Variants in SOD2 observed in about 807,000 individuals in gnomAD.
SOD2 encodes superoxide dismutase [Mn], mitochondrial.
A neutral mutation model predicts 27.0 loss-of-function variants in SOD2; 11 were observed. The ratio of observed to expected loss-of-function variants is 0.41; its 90% confidence interval spans 0.26 to 0.67. The LOEUF (loss-of-function observed/expected upper bound fraction) is 0.67. SOD2 is among the 30% of genes least tolerant of loss of function. SOD2 has a pLI of 0.34. For missense variants in SOD2, 250 were observed against 274.5 expected, an observed-to-expected ratio of 0.91 and a Z score of 0.63; for synonymous variants, 105 against 103.0, an observed-to-expected ratio of 1.02 and a Z score of -0.12.
upstream of SOD2, chr6:159,748,502 C>A: frequency 6.8e-7 from 1 of 1,474,378 alleles, no homozygotes; most frequent in Non-Finnish European, 9.0e-7. The surrounding 1 kb of genome is among the most constrained non-coding windows in gnomAD (Gnocchi z 5.6). Flanking sequence ...CACATTCTTA[C>A]ACTGTCCAGC....
intron 3 of SOD2, among the ~76,000 whole-genome samples, chr6:159,685,673 CG>C (rs1775543181): frequency 2.4e-5 from 1 of 41,298 alleles, no homozygotes; most frequent in South Asian, 8.4e-4. Context: ...TTTCACCCCC[CG>C]TCCCCTTCTT....
chr6:159,702,663 AAAAAAAAAAAAAAAAAG>A (rs1410082194), intron 1 of SOD2, among the ~76,000 whole-genome samples: 1 of 139,492 alleles, frequency 7.2e-6, no homozygotes, highest in African/African-American at 3.1e-5. Flanking sequence ...CCAAAAAAAA[AAAAAAAAAAAAAAAAAG>A]AAAGAAAGAA....
intron 1 of SOD2, among the ~76,000 whole-genome samples, chr6:159,758,961 T>C (rs1780068798): frequency 6.6e-6 from 1 of 152,194 alleles, no homozygotes; most frequent in Admixed American, 6.5e-5. Context: ...TGGCTCCTCA[T>C]GAGTAAGCAC....
chr6:159,743,079 G>C (rs554760101), intron 1 of SOD2, among the ~76,000 whole-genome samples: 70 of 152,188 alleles, frequency 4.6e-4, no homozygotes, highest in African/African-American at 1.7e-3. Flanking sequence ...ACAGGGTCTC[G>C]CACTGTTGCC....
chr6:159,710,952 A>G (rs1269491078), intron 1 of SOD2, among the ~76,000 whole-genome samples: 125 of 109,472 alleles, frequency 1.1e-3, no homozygotes, highest in East Asian at 1.7e-3. Flanking sequence ...CACCACTCAC[A>G]CTGCTCTGAC....
intron 1 of SOD2, among the ~76,000 whole-genome samples, chr6:159,733,368 G>A (rs1413883848): frequency 6.6e-6 from 1 of 152,136 alleles, no homozygotes; most frequent in Non-Finnish European, 1.5e-5. Context: ...TGTAATGCCA[G>A]CACTTTGGGA....
rs747375621 is a variant in SOD2, at chr6:159,755,270, C to T, written c.-336+5767G>A. 55 of 1,614,026 alleles carry T rather than the reference C, an allele frequency of 3.4e-5. No individual in the cohort carries two copies. The highest frequency in any genetic ancestry group is 6.7e-5 in the East Asian group (3 of 44,900). ...CGGACCAAGTAATGGTAGCTCCTCC[C>T]GCCAGAGGACGTCTGGGTCTGGATT... On this transcript the variant is annotated intron_variant, in intron 1 of 7. Coordinates refer to the SOD2 transcript ENST00000546087.
At position 159,675,810 on chromosome 6, in the gene SOD2, C is replaced by T. The variant is rs952035058; in HGVS notation, c.*6683G>A. ...AGAAACTACCATCAGAGTGAACAGG[C>T]AACCTACAAAATGGGAGAAAATTTT... On this transcript the variant is annotated 3_prime_UTR_variant, in exon 5 of 5. Coordinates refer to ENST00000538183, the MANE Select transcript of SOD2 (RefSeq NM_000636.4). The T allele has an allele frequency of 2.6e-5, 4 of 152,140 alleles. No individual in the cohort carries two copies. Among genetic ancestry groups the T allele is most frequent in the African/African-American group, 2.4e-5 (1 of 41,426 alleles). 9.4% of individuals were successfully genotyped at this position (152,140 alleles called of 1,614,324 possible).
intron 1 of SOD2, among the ~76,000 whole-genome samples, chr6:159,741,244 G>A (rs773003706): frequency 2.3e-4 from 35 of 152,266 alleles, no homozygotes; most frequent in Non-Finnish European, 4.0e-4. Context: ...GTATAATGAA[G>A]AACAACGGTC....
At chr6:159,721,021 A>G (rs1562442657) in intron 1 of SOD2, among the ~76,000 whole-genome samples, 3 of 136,764 alleles carry the variant, frequency 2.2e-5, no homozygotes, top group African/African-American at 8.0e-5. Context: ...GCACCCGACT[A>G]TTTTTTTTTT....
At chr6:159,718,658 T>A (rs1006848440) in intron 1 of SOD2, among the ~76,000 whole-genome samples, 1 of 152,206 alleles carries the variant, frequency 6.6e-6, no homozygotes, top group Non-Finnish European at 1.5e-5. Flanking sequence ...TAAGTCAGTA[T>A]AAAATCCACT....
At chr6:159,720,700 C>T (rs895690405) in intron 1 of SOD2, among the ~76,000 whole-genome samples, 3 of 152,050 alleles carry the variant, frequency 2.0e-5, no homozygotes, top group Admixed American at 6.6e-5. Context: ...ATTATCTTTG[C>T]TAGTACTATC....
chr6:159,720,822 CA>C (rs1195281916), intron 1 of SOD2, among the ~76,000 whole-genome samples: 2 of 145,132 alleles, frequency 1.4e-5, no homozygotes, highest in African/African-American at 5.0e-5. Context: ...CAGATGGCTC[CA>C]CTATACAGGT....
Position 159,681,352 on chromosome 6 carries a change from C to A in SOD2, c.*1141G>T, listed in dbSNP as rs917106468. 2 of 152,164 alleles carry A rather than the reference C, an allele frequency of 1.3e-5. No homozygotes were observed. Among genetic ancestry groups the A allele is most frequent in the Admixed American group, 1.3e-4 (2 of 15,256 alleles). 9.4% of individuals were successfully genotyped at this position (152,164 alleles called of 1,614,324 possible). ...CACCTAGAGACATCCTTAACACGTG[C>A]CCCTGAGCTACTTTTCAGAAACCCA... On this transcript the variant is annotated 3_prime_UTR_variant, in exon 5 of 5. Coordinates refer to ENST00000538183, the MANE Select transcript of SOD2 (RefSeq NM_000636.4).
At chr6:159,746,334 G>A (rs1178949534), upstream of SOD2, among the ~76,000 whole-genome samples, 1 of 152,004 alleles carries the variant, frequency 6.6e-6, no homozygotes, top group East Asian at 1.9e-4. Context: ...TGAGAAGGAG[G>A]GTTTCTTACC....
chr6:159,748,868 C>G (rs1779716081), upstream of SOD2: 2 of 1,206,468 alleles, frequency 1.7e-6, no homozygotes, highest in African/African-American at 3.1e-5. The surrounding 1 kb of genome is among the most constrained non-coding windows in gnomAD (Gnocchi z 5.6). Context: ...CACTGTGTAT[C>G]AGTTTTGCCA....
intron 1 of SOD2, chr6:159,713,958 A>T: frequency 2.4e-6 from 2 of 831,766 alleles, no homozygotes; most frequent in South Asian, 3.6e-5. Context: ...TTCACCACGA[A>T]CCCCTCCCTG....
chr6:159,730,238 G>A (rs574882681), upstream of SOD2, among the ~76,000 whole-genome samples: 19 of 152,216 alleles, frequency 1.2e-4, no homozygotes, highest in East Asian at 3.3e-3. Context: ...GAAAAGTGCT[G>A]TTATTAAATG....
At chr6:159,713,837 C>A in intron 1 of SOD2, 1 of 1,108,074 alleles carries the variant, frequency 9.0e-7, no homozygotes, top group Non-Finnish European at 1.4e-6. Context: ...ACCACTTGGT[C>A]TGCCTTCTCC....
Sources: gnomAD v4.1 joint callset for allele counts (sites outside exome capture counted in the v4.1 genomes callset) on GRCh38, gnomAD v4.1.1 for gene constraint, Gnocchi (gnomAD v3.1) non-coding constraint, MANE v1.5 for transcripts, NCBI Gene and HGNC (gene_info 2026-07-23, HGNC 2026-07-21) for gene names.